PLXDC2: variants seen among roughly 807,000 people sequenced by gnomAD.
PLXDC2 encodes plexin domain-containing protein 2.
In PLXDC2, 40 loss-of-function variants were observed where a neutral mutation model predicts 68.9. The ratio of observed to expected loss-of-function variants is 0.58; its 90% confidence interval spans 0.45 to 0.76. The LOEUF (loss-of-function observed/expected upper bound fraction) is 0.76. Ranked by LOEUF, PLXDC2 falls within the 30% of genes least tolerant of loss-of-function variation. The pLI is 0.00. For missense variants in PLXDC2, 644 were observed against 661.9 expected, an observed-to-expected ratio of 0.97 and a Z score of 0.30; for synonymous variants, 243 against 234.2, an observed-to-expected ratio of 1.04 and a Z score of -0.34.
At chr10:19,967,720 C>G (rs1043306242) in intron 1 of PLXDC2, among the ~76,000 whole-genome samples, 1 of 152,098 alleles carries the variant, frequency 6.6e-6, no homozygotes, top group Non-Finnish European at 1.5e-5. Context: ...CTTAGCAGCA[C>G]GACTTGCTTT....
At chr10:19,829,669 A>T (rs138429720) in intron 1 of PLXDC2, among the ~76,000 whole-genome samples, 4 of 152,228 alleles carry the variant, frequency 2.6e-5, no homozygotes, top group African/African-American at 7.2e-5. Flanking sequence ...TGGAGGTTGC[A>T]GTGAGCCGAG....
In PLXDC2 at chr10:20,282,940, A is replaced by G. The variant is rs893658903; in HGVS notation, c.*3121A>G. ...ACTAGCCAACGTGGCTTTTGAAATTAAAATTAATTAAAATTAAATTAAAAA... is the reference window on the plus strand; with the variant it reads ...ACTAGCCAACGTGGCTTTTGAAATTGAAATTAATTAAAATTAAATTAAAAA... On this transcript the variant is annotated 3_prime_UTR_variant, in exon 14 of 14. Transcript: ENST00000377252. The G allele has an allele frequency of 4.6e-5, 7 of 152,204 alleles. No individual in the cohort carries two copies. The highest frequency in any genetic ancestry group is 8.8e-5 in the Non-Finnish European group (6 of 68,030). The allele number at this position is 152,204 out of a possible 1,614,324, so 9.4% of individuals were successfully genotyped here.
chr10:20,273,197 C>T (rs2681944), intron 13 of PLXDC2, among the ~76,000 whole-genome samples: 114,323 of 152,126 alleles, frequency 0.75, 43,381 homozygotes, highest in Middle Eastern at 0.82. Context: ...TGCCCCTTTT[C>T]TTTCTTACCA....
intron 12 of PLXDC2, among the ~76,000 whole-genome samples, chr10:20,219,325 A>G (rs1209649349): frequency 6.6e-6 from 1 of 152,196 alleles, no homozygotes; most frequent in Non-Finnish European, 1.5e-5. Context: ...ATTCCCAATG[A>G]TAAAGTGGAA....
intron 1 of PLXDC2, among the ~76,000 whole-genome samples, chr10:19,846,221 ATC>A (rs1837007097): frequency 6.6e-6 from 1 of 152,184 alleles, no homozygotes; most frequent in African/African-American, 2.4e-5. Context: ...AGTAATTTGG[ATC>A]TGTTAGTGGC....
At chr10:19,984,820 AT>A in intron 1 of PLXDC2, among the ~76,000 whole-genome samples, 1 of 152,264 alleles carries the variant, frequency 6.6e-6, no homozygotes, top group East Asian at 1.9e-4. Flanking sequence ...CAGGAACACC[AT>A]GTGATTTTAG....
In PLXDC2 at chr10:19,879,527, C is replaced by T. The variant is rs558545594; in HGVS notation, c.112+62336C>T. Reference sequence around the variant, plus strand: ...GACACTTTGCCAAGTGCTTGTATTTCGACAAATACCCTTGTTTAGTGATTT... The same window carrying T: ...GACACTTTGCCAAGTGCTTGTATTTTGACAAATACCCTTGTTTAGTGATTT... On this transcript the variant is annotated intron_variant, in intron 1 of 13. Transcript: ENST00000377252. 5.9e-5 allele frequency among the ~76,000 whole-genome samples: 9 copies of T among 152,156 alleles called. No individual in the cohort carries two copies. The East Asian group carries it at 1.2e-3, about 20-fold the overall frequency.
rs1172133289 is a variant in PLXDC2 at position 20,225,053 on chromosome 10, A to G, written c.1312+5951A>G. 5.9e-5 allele frequency among the ~76,000 whole-genome samples: 9 copies of G among 152,306 alleles called. No homozygotes were observed. The East Asian group carries it at 1.7e-3, about 29-fold the overall frequency. On this transcript the variant is annotated intron_variant, in intron 12 of 13. Transcript: ENST00000377252. ...TGTTTAAGTTAATACAGAGGTACAA[A>G]TCTGCAAAGTGATTGATTTCTAAGA...
chr10:20,264,936 A>G (rs75897023), intron 13 of PLXDC2, among the ~76,000 whole-genome samples: 2 of 152,146 alleles, frequency 1.3e-5, no homozygotes, highest in Non-Finnish European at 2.9e-5. Flanking sequence ...ACCCAAAACA[A>G]CGAGCATTAA....
chr10:19,846,660 C>T (rs1323333676), intron 1 of PLXDC2, among the ~76,000 whole-genome samples: 2 of 152,104 alleles, frequency 1.3e-5, no homozygotes, highest in African/African-American at 4.8e-5. Context: ...TCAGTAACTC[C>T]TTTGGGAGCC....
chr10:20,154,348 T>A (rs2131804468), intron 6 of PLXDC2, among the ~76,000 whole-genome samples: 1 of 152,248 alleles, frequency 6.6e-6, no homozygotes, highest in African/African-American at 2.4e-5. Flanking sequence ...GCTGATCACT[T>A]GAGGTCAGGA....
intron 1 of PLXDC2, among the ~76,000 whole-genome samples, chr10:19,931,970 T>C (rs1242753908): frequency 6.6e-6 from 1 of 151,922 alleles, no homozygotes; most frequent in Non-Finnish European, 1.5e-5. Context: ...TGTGTGTGTG[T>C]GTGTGTGTGT....
chr10:20,086,832 G>A (rs1270855045), intron 4 of PLXDC2, among the ~76,000 whole-genome samples: 1 of 152,102 alleles, frequency 6.6e-6, no homozygotes, highest in African/African-American at 2.4e-5. Context: ...CTTCAAAAAA[G>A]CAATGTAATT....
At chr10:20,109,371 G>C (rs1275527761) in intron 4 of PLXDC2, among the ~76,000 whole-genome samples, 1 of 152,088 alleles carries the variant, frequency 6.6e-6, no homozygotes, top group Non-Finnish European at 1.5e-5. Flanking sequence ...CCATGCATTG[G>C]CTTTAAATGT....
intron 3 of PLXDC2, among the ~76,000 whole-genome samples, chr10:20,051,395 A>AATATATATATAT (rs57093355): frequency 1.5e-4 from 18 of 118,472 alleles, no homozygotes; most frequent in South Asian, 6.4e-4. Flanking sequence ...ATAAAGGTTA[A>AATATATATATAT]ATATATATAT....
intron 13 of PLXDC2, among the ~76,000 whole-genome samples, chr10:20,247,513 C>A (rs1228998786): frequency 1.3e-5 from 2 of 151,690 alleles, no homozygotes; most frequent in African/African-American, 4.8e-5. Context: ...CATATTAGTT[C>A]TTGAATTTAG....
intron 2 of PLXDC2, among the ~76,000 whole-genome samples, chr10:20,034,750 C>T (rs1304011320): frequency 6.6e-6 from 1 of 152,160 alleles, no homozygotes. Flanking sequence ...GACAGTGATT[C>T]TGTATTTTTA....
chr10:20,245,813 G>A (rs1835586700), intron 13 of PLXDC2, among the ~76,000 whole-genome samples: 1 of 152,178 alleles, frequency 6.6e-6, no homozygotes, highest in Non-Finnish European at 1.5e-5. Context: ...TTAACCAGCT[G>A]TTCTCCTTGT....
At chr10:19,839,769 G>A (rs1356828793) in intron 1 of PLXDC2, among the ~76,000 whole-genome samples, 8 of 152,024 alleles carry the variant, frequency 5.3e-5, no homozygotes, top group Admixed American at 2.6e-4. Flanking sequence ...AATGTGTAAC[G>A]GCAGACTCTT....
Sources: allele counts gnomAD v4.1 joint callset (sites outside exome capture counted in the v4.1 genomes callset), GRCh38; gene constraint gnomAD v4.1.1; transcripts MANE v1.5; gene names NCBI Gene and HGNC (gene_info 2026-07-23, HGNC 2026-07-21).